The following LTA4H variants were observed in gnomAD, a reference collection of about 807,000 sequenced individuals.
LTA4H encodes the protein leukotriene A-4 hydrolase.
LTA4H carries 59 observed loss-of-function variants against 89.8 expected under a neutral mutation model. That is an observed-to-expected ratio of 0.66 (90% CI 0.53 to 0.82). LTA4H has a LOEUF of 0.82. Among genes scored for constraint, LTA4H ranks in the 40% least tolerant of loss-of-function variants. The probability of loss-of-function intolerance (pLI) is 0.00; values close to 1 mark genes in which losing one functional copy is unlikely to be tolerated. For missense variants in LTA4H, 617 were observed against 727.0 expected (o/e 0.85, Z 1.74); for synonymous variants, 227 against 253.1 (o/e 0.90, Z 0.98).
chr12:96,027,752 C>T (rs910028912), intron 2 of LTA4H, 188 bp from the exon 3 acceptor site: 2 of 364,822 alleles, frequency 5.5e-6, no homozygotes, highest in East Asian at 1.0e-4. Context: ...TAATTGCCAG[C>T]CTGTGGGTCC....
intron 14 of LTA4H, chr12:96,011,791 C>T (rs978530679): frequency 2.6e-5 from 4 of 152,140 alleles, no homozygotes; most frequent in South Asian, 2.1e-4. Context: ...AGCCCCCAAA[C>T]GTCTCTTCTC....
chr12:96,002,632 C>T (rs17025026), intron 18 of LTA4H, among the ~76,000 whole-genome samples: 15,990 of 152,208 alleles, frequency 0.11, 1,066 homozygotes, highest in East Asian at 0.29. Flanking sequence ...ACTTCAGACT[C>T]TCTTTCTTGT....
At chr12:96,024,120 G>A (rs1030790474) in intron 4 of LTA4H, among the ~76,000 whole-genome samples, 5 of 151,860 alleles carry the variant, frequency 3.3e-5, no homozygotes, top group African/African-American at 1.2e-4. Flanking sequence ...TTTTAGTACA[G>A]ATGGGGTTTC....
In LTA4H at chr12:96,013,193, C is replaced by G. The variant is rs764658937; in HGVS notation, c.1374G>C (p.Lys458Asn). Residue 458 changes from lysine (K) to asparagine (N), a missense_variant, in exon 14 of 19, where the codon AAG becomes AAC. Around this residue, in one of 3 missense-constraint regions of LTA4H, gnomAD observed 290 missense variants for 339.1 expected, o/e 0.86. Coordinates refer to ENST00000228740, the MANE Select transcript of LTA4H (RefSeq NM_000895.3). ...ATTAGCAGGCAAGTACTTACTTGGG[C>G]TTTATGGGAGGCAGTCCAGGAGAGT... ...WLYSPGLPPIKPNYDMTLTNA... is the reference protein window; with the variant it reads ...WLYSPGLPPINPNYDMTLTNA... The G allele has an allele frequency of 6.0e-5, 96 of 1,612,950 alleles. No homozygotes were observed. The highest frequency in any genetic ancestry group is 3.3e-4 in the Middle Eastern group (2 of 6,078).
intron 1 of LTA4H, chr12:96,043,196 A>C: frequency 1.1e-6 from 1 of 892,316 alleles, no homozygotes; most frequent in Non-Finnish European, 1.8e-6. Context: ...AAGTGAGAAC[A>C]TGTCGGGTAG....
rs1328529986 is a variant in LTA4H at position 96,000,814 on chromosome 12, AAAG to A, written c.*172_*174del. The A allele has an allele frequency of 2.1e-6, 1 of 465,454 alleles. No homozygotes were observed. Among genetic ancestry groups the A allele is most frequent in the Middle Eastern group, 5.4e-4 (1 of 1,850 alleles). The allele number at this position is 465,454 out of a possible 1,614,324, so 28.8% of individuals were successfully genotyped here. A position where few individuals can be genotyped will look rare whatever the true frequency, so the allele number is the denominator to read the frequency against. The stretch of plus-strand genomic sequence containing the variant: ...AAGATTAAACCTTGTTAAAATTTAC[AAAG>A]AATATGCCACTATAAGAAGAAGTAG... On this transcript the variant is annotated 3_prime_UTR_variant, in exon 19 of 19. Coordinates refer to ENST00000228740, the MANE Select transcript of LTA4H (RefSeq NM_000895.3).
rs1481037423 is a variant in LTA4H at position 96,022,458 on chromosome 12, CAT to C, written c.481-209_481-208del. 3.9e-5 allele frequency among the ~76,000 whole-genome samples: 6 copies of C among 151,966 alleles called. No homozygotes were observed. The South Asian group carries it at 1.0e-3, about 26-fold the overall frequency. ...GTATAGATGTGTATATATATGCACA[CAT>C]ATATATGTGTATATATATAAAACAC... On this transcript the variant is annotated intron_variant, in intron 4 of 18. Transcript: ENST00000228740. This position sits in a 1 kb window ranked among gnomAD's most constrained non-coding sequence, Gnocchi z 4.0.
intron 5 of LTA4H, among the ~76,000 whole-genome samples, chr12:96,021,492 C>G (rs768711361): frequency 9.9e-5 from 15 of 152,152 alleles, no homozygotes; most frequent in Non-Finnish European, 1.9e-4. Context: ...TTCCTCCTGA[C>G]TTTTAAAAGG....
At chr12:96,028,693 G>A (rs1950539251) in intron 2 of LTA4H, among the ~76,000 whole-genome samples, 2 of 152,100 alleles carry the variant, frequency 1.3e-5, no homozygotes, top group South Asian at 2.1e-4. Flanking sequence ...AATGCAGCTG[G>A]CCTCTGGGGC....
chr12:96,026,379 A>G (rs1950513313), intron 3 of LTA4H, among the ~76,000 whole-genome samples: 1 of 152,206 alleles, frequency 6.6e-6, no homozygotes, highest in African/African-American at 2.4e-5. Context: ...TATTCCCACC[A>G]TTGCTGCCAA....
chr12:96,018,110 A>T (rs1328028676), intron 8 of LTA4H, among the ~76,000 whole-genome samples: 2 of 152,124 alleles, frequency 1.3e-5, no homozygotes, highest in East Asian at 3.9e-4. Context: ...TTGTACCTAC[A>T]CACCAAGTGT....
At chr12:96,013,721 G>T in intron 13 of LTA4H, 29 bp downstream of exon 13, 2 of 1,147,246 alleles carry the variant, frequency 1.7e-6, no homozygotes, top group South Asian at 1.3e-5. Context: ...TATCGAGCAT[G>T]AAAAATAGAA....
Position 96,033,478 on chromosome 12 carries a change from C to T in LTA4H, c.159+1883G>A, listed in dbSNP as rs115763541. On this transcript the variant is annotated intron_variant, in intron 1 of 18. Coordinates refer to ENST00000228740, the MANE Select transcript of LTA4H (RefSeq NM_000895.3). ...ATCTGAACACAAGTGTCCTGAATTG[C>T]TTAATTTTTAAATCTCTAGTACTTT... Among the ~76,000 whole-genome samples, 518 of 152,242 alleles carry T rather than the reference C, an allele frequency of 3.4e-3. 4 individuals are homozygous for T. The highest frequency in any genetic ancestry group is 0.012 in the African/African-American group (494 of 41,546).
At chr12:96,011,774 A>C (rs1369858721) in intron 14 of LTA4H, 1 of 152,122 alleles carries the variant, frequency 6.6e-6, no homozygotes, top group Non-Finnish European at 1.5e-5. Flanking sequence ...AGTTGCCAAT[A>C]GATTCTAGCC....
At chr12:96,001,672 G>A (rs1254577154) in intron 18 of LTA4H, among the ~76,000 whole-genome samples, 1 of 151,902 alleles carries the variant, frequency 6.6e-6, no homozygotes, top group East Asian at 1.9e-4. Flanking sequence ...TAAAAGTCCT[G>A]ACCACAGTGA....
chr12:96,023,005 C>T (rs532034694), intron 4 of LTA4H, among the ~76,000 whole-genome samples: 57 of 152,276 alleles, frequency 3.7e-4, no homozygotes, highest in East Asian at 1.3e-3. Context: ...GAAATCCATA[C>T]GGAAAAGACC....
At chr12:96,016,209 G>T (rs1442812651) in intron 10 of LTA4H, among the ~76,000 whole-genome samples, 1 of 149,898 alleles carries the variant, frequency 6.7e-6, no homozygotes, top group Non-Finnish European at 1.5e-5. Flanking sequence ...AGATACTCGG[G>T]AGGCTAAGGC....
intron 6 of LTA4H, among the ~76,000 whole-genome samples, chr12:96,019,914 T>C (rs1345226829): frequency 1.3e-5 from 2 of 150,672 alleles, no homozygotes; most frequent in African/African-American, 4.9e-5. Context: ...TTTTTTTTTT[T>C]TTTTTAAATA....
chr12:96,029,811 T>C (rs1314387446), intron 1 of LTA4H, among the ~76,000 whole-genome samples: 3 of 152,134 alleles, frequency 2.0e-5, no homozygotes, highest in Admixed American at 6.5e-5. Flanking sequence ...GCCCTACAAA[T>C]CATACTCTTT....
Sources: gnomAD v4.1 joint callset for allele counts (sites outside exome capture counted in the v4.1 genomes callset) on GRCh38, gnomAD v4.1.1 for gene constraint, gnomAD v4.1.1 regional missense constraint, Gnocchi (gnomAD v3.1) non-coding constraint, MANE v1.5 for transcripts, NCBI Gene and HGNC (gene_info 2026-07-23, HGNC 2026-07-21) for gene names.